CNTN4: variants seen among roughly 807,000 people sequenced by gnomAD.
CNTN4 encodes the protein contactin 4.
A neutral mutation model predicts 122.5 loss-of-function variants in CNTN4; 77 were observed. The observed-to-expected ratio is 0.63, with a 90% CI of 0.52 to 0.76. The LOEUF is 0.76. CNTN4 is among the 30% of genes least tolerant of loss of function. CNTN4 has a pLI of 0.00. For synonymous variants in CNTN4, 512 were observed against 447.0 expected (o/e 1.15, Z -1.83); for missense variants, 1,256 against 1,259.1 (o/e 1.00, Z 0.04).
chr3:2,485,556 C>CGG (rs1246684470), intron 3 of CNTN4, among the ~76,000 whole-genome samples: 1 of 152,004 alleles, frequency 6.6e-6, no homozygotes, highest in African/African-American at 2.4e-5. Context: ...ATACACCCAT[C>CGG]GGCACTCTGT....
At chr3:2,374,247 C>T (rs1369228890) in intron 3 of CNTN4, among the ~76,000 whole-genome samples, 2 of 152,066 alleles carry the variant, frequency 1.3e-5, no homozygotes, top group Non-Finnish European at 2.9e-5. Flanking sequence ...ATGACCTATC[C>T]CTGGATCCCA....
intron 2 of CNTN4, among the ~76,000 whole-genome samples, chr3:2,229,209 T>C (rs929693852): frequency 8.5e-5 from 13 of 152,224 alleles, no homozygotes; most frequent in Admixed American, 7.2e-4. Flanking sequence ...ATGTATTTCA[T>C]CATTTATCTC....
intron 14 of CNTN4, among the ~76,000 whole-genome samples, chr3:3,002,104 A>G (rs1202299368): frequency 6.6e-6 from 1 of 152,206 alleles, no homozygotes; most frequent in Non-Finnish European, 1.5e-5. Flanking sequence ...TCAACTGCCA[A>G]TGAAATAGGG....
chr3:2,562,230 T>A (rs987336300), intron 3 of CNTN4, among the ~76,000 whole-genome samples: 1 of 152,170 alleles, frequency 6.6e-6, no homozygotes, highest in African/African-American at 2.4e-5. Context: ...AACTTCATAA[T>A]CTCAACTTTT....
At chr3:2,878,034 T>C (rs2093864944) in intron 8 of CNTN4, among the ~76,000 whole-genome samples, 2 of 152,224 alleles carry the variant, frequency 1.3e-5, no homozygotes. Flanking sequence ...TTTATGACTT[T>C]AATACTAGGC....
chr3:2,892,433 G>A (rs1232722792), intron 10 of CNTN4, among the ~76,000 whole-genome samples: 1 of 152,210 alleles, frequency 6.6e-6, no homozygotes, highest in Admixed American at 6.5e-5. Context: ...CTGCTACTCT[G>A]GAAAGCTAAC....
intron 15 of CNTN4, among the ~76,000 whole-genome samples, chr3:3,029,167 A>C (rs767346107): frequency 2.1e-4 from 32 of 152,216 alleles, no homozygotes; most frequent in Non-Finnish European, 3.8e-4. Context: ...ATGAGAAGCC[A>C]AGTGTTACAA....
At position 2,949,793 on chromosome 3, in the gene CNTN4, C is replaced by G. The variant is rs576706200; in HGVS notation, c.1358+24014C>G. Among the ~76,000 whole-genome samples, 3 of 152,312 alleles carry G rather than the reference C, an allele frequency of 2.0e-5. No homozygotes were observed. The South Asian group carries it at 6.2e-4, about 32-fold the overall frequency. ...ATAATTTAACTTTGCTTTTTTGAAACAGACTTTGGTCTATTTTAGTTACTT... is the reference window on the plus strand; with the variant it reads ...ATAATTTAACTTTGCTTTTTTGAAAGAGACTTTGGTCTATTTTAGTTACTT... On this transcript the variant is annotated intron_variant, in intron 13 of 24. Coordinates refer to ENST00000418658, the MANE Select transcript of CNTN4 (RefSeq NM_175607.3).
chr3:2,481,271 G>C (rs2151585586), intron 3 of CNTN4, among the ~76,000 whole-genome samples: 1 of 151,986 alleles, frequency 6.6e-6, no homozygotes, highest in South Asian at 2.1e-4. Flanking sequence ...CTCCTGAGCA[G>C]CTAGGATTAC....
intron 4 of CNTN4, among the ~76,000 whole-genome samples, chr3:2,600,240 C>T (rs1277728576): frequency 1.3e-5 from 2 of 151,636 alleles, no homozygotes; most frequent in East Asian, 1.9e-4. Flanking sequence ...TTCTAGGGTA[C>T]ATGTGTACAA....
At chr3:2,303,342 C>G (rs1054981887) in intron 2 of CNTN4, among the ~76,000 whole-genome samples, 1 of 152,054 alleles carries the variant, frequency 6.6e-6, no homozygotes, top group African/African-American at 2.4e-5. Context: ...CACCCCTGCC[C>G]CCCAAAATTG....
At chr3:2,534,616 C>T (rs1000142904) in intron 3 of CNTN4, among the ~76,000 whole-genome samples, 3 of 151,822 alleles carry the variant, frequency 2.0e-5, no homozygotes, top group African/African-American at 4.8e-5. Flanking sequence ...CTGGTCATTA[C>T]GTGTCCTCTG....
chr3:2,737,311 C>G (rs2089181908), intron 5 of CNTN4, among the ~76,000 whole-genome samples: 1 of 152,098 alleles, frequency 6.6e-6, no homozygotes, highest in Admixed American at 6.6e-5. Context: ...GTATTCCTGA[C>G]CTCAAGTGAT....
At chr3:2,588,099 A>G (rs1247792606) in intron 4 of CNTN4, among the ~76,000 whole-genome samples, 3 of 152,114 alleles carry the variant, frequency 2.0e-5, no homozygotes, top group Non-Finnish European at 2.9e-5. Flanking sequence ...AAGGAACTTT[A>G]TCACAGCAGT....
chr3:2,479,884 T>C (rs757227064), intron 3 of CNTN4, among the ~76,000 whole-genome samples: 2 of 152,258 alleles, frequency 1.3e-5, no homozygotes, highest in South Asian at 4.1e-4. Flanking sequence ...TCTTAGCAAA[T>C]TGAATCAATA....
chr3:2,444,114 C>A (rs547814714), intron 3 of CNTN4, among the ~76,000 whole-genome samples: 18 of 151,410 alleles, frequency 1.2e-4, no homozygotes, highest in African/African-American at 3.6e-4. Flanking sequence ...GCTTTTCATT[C>A]AGTCTTTTTT....
intron 2 of CNTN4, among the ~76,000 whole-genome samples, chr3:2,248,186 A>G (rs1278205984): frequency 6.6e-6 from 1 of 152,046 alleles, no homozygotes; most frequent in Non-Finnish European, 1.5e-5. Flanking sequence ...AGCTCTATGA[A>G]TAAATCTTTA....
At chr3:2,368,283 C>T (rs1575476981) in intron 3 of CNTN4, among the ~76,000 whole-genome samples, 1 of 151,774 alleles carries the variant, frequency 6.6e-6, no homozygotes, top group Admixed American at 6.6e-5. Flanking sequence ...CCGCCCGCCT[C>T]GGCCTCCCAA....
intron 4 of CNTN4, among the ~76,000 whole-genome samples, chr3:2,637,538 C>T (rs923530582): frequency 6.6e-6 from 1 of 152,064 alleles, no homozygotes; most frequent in Non-Finnish European, 1.5e-5. Context: ...TCAGGTTGTG[C>T]AATACAGGGG....
Sources: gnomAD v4.1 joint callset for allele counts (sites outside exome capture counted in the v4.1 genomes callset) on GRCh38, gnomAD v4.1.1 for gene constraint, MANE v1.5 for transcripts, NCBI Gene and HGNC (gene_info 2026-07-23, HGNC 2026-07-21) for gene names.